Variants in CHCHD3 observed in about 807,000 individuals in gnomAD.
The protein encoded by CHCHD3 is coiled-coil-helix-coiled-coil-helix domain containing 3.
Under a neutral mutation model 38.2 loss-of-function variants are expected in CHCHD3, and 20 were observed. The observed-to-expected ratio is 0.52, with a 90% CI of 0.37 to 0.76. CHCHD3 has a LOEUF of 0.76. CHCHD3 is among the 30% of genes least tolerant of loss of function. The pLI, the probability that CHCHD3 is intolerant of heterozygous loss-of-function variation, is 0.00. For missense variants in CHCHD3, 245 were observed against 279.2 expected (o/e 0.88, Z 0.87); for synonymous variants, 82 against 100.0 (o/e 0.82, Z 1.07).
At chr7:132,924,671 T>C (rs998666896) in intron 4 of CHCHD3, among the ~76,000 whole-genome samples, 3 of 152,210 alleles carry the variant, frequency 2.0e-5, no homozygotes, top group African/African-American at 7.2e-5. Context: ...TATTCTTAGA[T>C]AGAGATCTTT....
chr7:133,035,952 C>G lies in CHCHD3; in HGVS notation c.170-11325G>C, dbSNP rs1222513646. ...TCCGCAAAGAAAGGCTGGATCCAGT[C>G]TTAAAAGTGTTATCAGGTAGGGGTC... On this transcript the variant is annotated intron_variant, in intron 2 of 7. Coordinates refer to ENST00000262570, the MANE Select transcript of CHCHD3 (RefSeq NM_017812.4). This position sits in a 1 kb window ranked among gnomAD's most constrained non-coding sequence, Gnocchi z 4.7. 6.8e-7 allele frequency: 1 copy of G among 1,472,348 alleles called. No homozygotes were observed. Among genetic ancestry groups the G allele is most frequent in the Non-Finnish European group, 9.4e-7 (1 of 1,064,436 alleles). 91.2% of individuals were successfully genotyped at this position (1,472,348 alleles called of 1,614,324 possible).
intron 6 of CHCHD3, among the ~76,000 whole-genome samples, chr7:132,813,984 G>A (rs1311776301): frequency 4.6e-5 from 7 of 152,184 alleles, no homozygotes; most frequent in Non-Finnish European, 2.9e-5. Context: ...AATTACACTT[G>A]GCATAGATTT....
At chr7:133,045,798 T>A (rs1813965586) in intron 2 of CHCHD3, among the ~76,000 whole-genome samples, 1 of 152,040 alleles carries the variant, frequency 6.6e-6, no homozygotes, top group African/African-American at 2.4e-5. Context: ...TTGGTGCAAT[T>A]CTTATAGTGA....
intron 6 of CHCHD3, among the ~76,000 whole-genome samples, chr7:132,824,029 C>T (rs1317352016): frequency 6.6e-6 from 1 of 152,154 alleles, no homozygotes; most frequent in South Asian, 2.1e-4. Flanking sequence ...ATGTTCCGTC[C>T]TTTCAAGTCC....
intron 2 of CHCHD3, among the ~76,000 whole-genome samples, chr7:133,049,121 A>G (rs921827051): frequency 2.6e-4 from 39 of 152,232 alleles, no homozygotes; most frequent in Non-Finnish European, 3.8e-4. Flanking sequence ...CATTCTCTCT[A>G]TACAAACATA....
At chr7:132,859,571 C>T (rs983879686) in intron 5 of CHCHD3, among the ~76,000 whole-genome samples, 1 of 152,292 alleles carries the variant, frequency 6.6e-6, no homozygotes, top group Non-Finnish European at 1.5e-5. Flanking sequence ...TTTAGATTAG[C>T]CAGAGACTTT....
chr7:132,948,460 G>C (rs181776477), intron 4 of CHCHD3, among the ~76,000 whole-genome samples: 32 of 152,242 alleles, frequency 2.1e-4, no homozygotes, highest in Admixed American at 1.5e-3. Flanking sequence ...AGTAGAAAAC[G>C]TAACAGCTTC....
intron 4 of CHCHD3, among the ~76,000 whole-genome samples, chr7:132,926,982 GA>G (rs1378319973): frequency 6.6e-6 from 1 of 152,120 alleles, no homozygotes; most frequent in Non-Finnish European, 1.5e-5. Context: ...AATCTCTACT[GA>G]GATGTCTTTT....
At chr7:133,038,892 A>G (rs994498206) in intron 2 of CHCHD3, among the ~76,000 whole-genome samples, 18 of 152,232 alleles carry the variant, frequency 1.2e-4, no homozygotes, top group Admixed American at 1.2e-3. Context: ...TACAATTGAA[A>G]ATATAACTTC....
chr7:132,847,754 C>A (rs1313407551), intron 5 of CHCHD3, among the ~76,000 whole-genome samples: 1 of 152,120 alleles, frequency 6.6e-6, no homozygotes, highest in Non-Finnish European at 1.5e-5. Context: ...AGTATTCGTG[C>A]AATATTTTCT....
intron 2 of CHCHD3, among the ~76,000 whole-genome samples, chr7:133,062,372 T>A (rs529128652): frequency 6.6e-6 from 1 of 152,258 alleles, no homozygotes; most frequent in Admixed American, 6.5e-5. Context: ...GCTAAGTATA[T>A]GTCCTATGCT....
chr7:132,918,658 A>G (rs1810180146), intron 4 of CHCHD3, among the ~76,000 whole-genome samples: 2 of 152,164 alleles, frequency 1.3e-5, no homozygotes, highest in South Asian at 4.1e-4. Flanking sequence ...AAAAGACTCA[A>G]TCTGAGTGCA....
intron 4 of CHCHD3, among the ~76,000 whole-genome samples, chr7:132,932,058 A>C (rs113858580): frequency 0.022 from 3,300 of 152,290 alleles, 144 homozygotes; most frequent in African/African-American, 0.075. Context: ...TTTCAGACCC[A>C]CTATGGACAC....
intron 4 of CHCHD3, among the ~76,000 whole-genome samples, chr7:132,914,982 T>A (rs1411434465): frequency 6.6e-6 from 1 of 151,854 alleles, no homozygotes; most frequent in Non-Finnish European, 1.5e-5. Flanking sequence ...GCCAGCATGG[T>A]GAAACCCTGT....
At chr7:132,955,215 T>TGTGTG (rs1554393837) in intron 4 of CHCHD3, among the ~76,000 whole-genome samples, 22 of 148,198 alleles carry the variant, frequency 1.5e-4, no homozygotes, top group Admixed American at 2.7e-4. Flanking sequence ...TGTGTGTGTG[T>TGTGTG]TGCGGGGTGG....
intron 4 of CHCHD3, among the ~76,000 whole-genome samples, chr7:132,966,316 T>C (rs539873981): frequency 6.6e-6 from 1 of 152,204 alleles, no homozygotes; most frequent in African/African-American, 2.4e-5. Context: ...AATGTCTTTA[T>C]GGGTAAGGGA....
intron 5 of CHCHD3, among the ~76,000 whole-genome samples, chr7:132,846,271 C>G (rs932646425): frequency 6.6e-6 from 1 of 152,206 alleles, no homozygotes; most frequent in Non-Finnish European, 1.5e-5. Context: ...CTGCACAGGG[C>G]CATGTCAATC....
chr7:132,944,425 GAAAA>G (rs1167147466), intron 4 of CHCHD3, among the ~76,000 whole-genome samples: 2 of 80,692 alleles, frequency 2.5e-5, no homozygotes, highest in African/African-American at 9.4e-5. Context: ...AAAGGATAAA[GAAAA>G]AAAAAAAAGA....
chr7:132,991,881 C>T (rs913160886), intron 3 of CHCHD3, among the ~76,000 whole-genome samples: 2 of 152,178 alleles, frequency 1.3e-5, no homozygotes, highest in African/African-American at 2.4e-5. Flanking sequence ...TCTCCATCTT[C>T]CCCTACATGG....
Sources: gnomAD v4.1 joint callset for allele counts (sites outside exome capture counted in the v4.1 genomes callset) on GRCh38, gnomAD v4.1.1 for gene constraint, Gnocchi (gnomAD v3.1) non-coding constraint, MANE v1.5 for transcripts, NCBI Gene and HGNC (gene_info 2026-07-23, HGNC 2026-07-21) for gene names.